The following NCK1 variants were observed in gnomAD, a reference collection of about 807,000 sequenced individuals.
NCK1 encodes SH2/SH3 adapter protein NCK1.
Under a neutral mutation model 36.6 loss-of-function variants are expected in NCK1, and 19 were observed. The ratio of observed to expected loss-of-function variants is 0.52; its 90% CI spans 0.36 to 0.76. NCK1 has a LOEUF of 0.76. Among genes scored for constraint, NCK1 ranks in the 30% least tolerant of loss-of-function variants. The probability of loss-of-function intolerance (pLI) is 0.00; values close to 1 mark genes in which losing one functional copy is unlikely to be tolerated. For synonymous variants in NCK1, 165 were observed against 156.0 expected (o/e 1.06, Z -0.43); for missense variants, 358 against 445.6 (o/e 0.80, Z 1.77).
At chr3:136,927,528 T>C (rs1041567496) in intron 1 of NCK1, among the ~76,000 whole-genome samples, 3 of 152,156 alleles carry the variant, frequency 2.0e-5, no homozygotes, top group Non-Finnish European at 4.4e-5. Flanking sequence ...ATTGATTGGT[T>C]GATTGATTGA....
chr3:136,931,365 T>C (rs915040489), intron 2 of NCK1, among the ~76,000 whole-genome samples: 7 of 152,210 alleles, frequency 4.6e-5, no homozygotes, highest in Admixed American at 6.5e-5. Flanking sequence ...AAGTCTCTTA[T>C]GCACAACAAG....
At position 136,948,457 on chromosome 3, in the gene NCK1, T is replaced by A; in HGVS notation, c.*4T>A. 1.2e-6 allele frequency: 2 copies of A among 1,609,942 alleles called. No homozygotes were observed. The highest frequency in any genetic ancestry group is 1.7e-6 in the Non-Finnish European group (2 of 1,177,264). On this transcript the variant is annotated 3_prime_UTR_variant, in exon 4 of 4. Coordinates refer to ENST00000481752, the MANE Select transcript of NCK1 (RefSeq NM_001291999.2). ...TCTTGTCAAGCATTTATCATGATAC[T>A]GCTGACCAGAAGTGACTGCTGTGTA...
intron 1 of NCK1, among the ~76,000 whole-genome samples, chr3:136,890,194 T>A (rs548762311): frequency 6.6e-6 from 1 of 152,198 alleles, no homozygotes; most frequent in South Asian, 2.1e-4. Context: ...GCTGGTGGGC[T>A]GGCATTGCTG....
Position 136,864,153 on chromosome 3 carries a change from G to C in NCK1, c.-19+1800G>C, listed in dbSNP as rs542124425. 1.9e-4 allele frequency among the ~76,000 whole-genome samples: 29 copies of C among 151,998 alleles called. No homozygotes were observed. In the South Asian group the frequency reaches 5.6e-3, roughly 29 times the overall value. On this transcript the variant is annotated intron_variant, in intron 1 of 3. Transcript: ENST00000481752. ...TTTTCTAGGCATTATCCTTTGTCCA[G>C]GTTTCTGCAGTGCTTTCAGGTCCAT...
At chr3:136,903,546 T>C (rs1939602565) in intron 1 of NCK1, among the ~76,000 whole-genome samples, 1 of 152,132 alleles carries the variant, frequency 6.6e-6, no homozygotes, top group Non-Finnish European at 1.5e-5. Flanking sequence ...TGCCTCAGCT[T>C]CCTGAGTAGC....
intron 1 of NCK1, among the ~76,000 whole-genome samples, chr3:136,880,635 G>A (rs889280219): frequency 6.6e-6 from 1 of 152,112 alleles, no homozygotes; most frequent in Non-Finnish European, 1.5e-5. Flanking sequence ...AACTTTGTTT[G>A]TTTGTTTTTT....
intron 1 of NCK1, among the ~76,000 whole-genome samples, chr3:136,916,749 GT>G (rs764454369): frequency 4.0e-5 from 6 of 150,952 alleles, no homozygotes; most frequent in East Asian, 3.9e-4. Flanking sequence ...AAATAAAACA[GT>G]TTGTTTAGTT....
chr3:136,946,396 A>G, intron 3 of NCK1, 101 bp downstream of exon 3: 1 of 988,968 alleles, frequency 1.0e-6, no homozygotes, highest in Non-Finnish European at 1.5e-6. Flanking sequence ...AAAGTTAACC[A>G]GGTAACAAGC....
intron 1 of NCK1, 124 bp from the exon 2 acceptor site, chr3:136,927,859 AT>A (rs1360124287): frequency 9.7e-6 from 7 of 721,496 alleles, no homozygotes; most frequent in African/African-American, 3.6e-5. Flanking sequence ...TGCCTCATGT[AT>A]TTTTTTCCAT....
intron 1 of NCK1, among the ~76,000 whole-genome samples, chr3:136,915,152 A>T (rs1939925955): frequency 6.6e-6 from 1 of 152,196 alleles, no homozygotes; most frequent in East Asian, 1.9e-4. Context: ...TTGTAGCAAC[A>T]CAGACAGACT....
intron 1 of NCK1, among the ~76,000 whole-genome samples, chr3:136,862,752 G>A (rs1938272576): frequency 6.6e-6 from 1 of 152,260 alleles, no homozygotes; most frequent in Non-Finnish European, 1.5e-5. Context: ...GGCCGGGAAG[G>A]TAGGGACGTG....
chr3:136,909,427 G>A (rs565036451), intron 1 of NCK1, among the ~76,000 whole-genome samples: 2 of 152,310 alleles, frequency 1.3e-5, no homozygotes, highest in South Asian at 4.1e-4. Flanking sequence ...ATTCTGTTGA[G>A]GTGCCAGGGA....
chr3:136,907,690 C>T (rs1939721810), intron 1 of NCK1, among the ~76,000 whole-genome samples: 1 of 152,194 alleles, frequency 6.6e-6, no homozygotes, highest in Non-Finnish European at 1.5e-5. Context: ...ATTATCTCCT[C>T]ACTATTTTGT....
chr3:136,888,528 C>T (rs1269695654), intron 1 of NCK1, among the ~76,000 whole-genome samples: 1 of 151,578 alleles, frequency 6.6e-6, no homozygotes, highest in East Asian at 2.0e-4. Context: ...TCAGCCTCCG[C>T]AGTAGCTGGG....
rs138538279 is a variant in NCK1 at position 136,866,861 on chromosome 3, C to T, written c.-19+4508C>T. Among the ~76,000 whole-genome samples, 258 of 150,986 alleles carry T rather than the reference C, an allele frequency of 1.7e-3. 7 individuals carry two copies. In the East Asian group the frequency reaches 0.047, roughly 28 times the overall value. ...CTCCCGACCTCAGGTGATCCACATG[C>T]GTCGGCTTCCCAAAGTGTTGGGATT... On this transcript the variant is annotated intron_variant, in intron 1 of 3. Transcript: ENST00000481752.
chr3:136,885,439 G>A (rs1240883616), intron 1 of NCK1, among the ~76,000 whole-genome samples: 1 of 152,108 alleles, frequency 6.6e-6, no homozygotes, highest in Non-Finnish European at 1.5e-5. Context: ...TACGTAGCTG[G>A]AACTATAGGT....
intron 1 of NCK1, chr3:136,867,437 G>C (rs1938484403): frequency 8.6e-6 from 1 of 116,914 alleles, no homozygotes; most frequent in Non-Finnish European, 1.7e-5. Context: ...GTAGAGATAG[G>C]GTCTCACTGT....
At chr3:136,939,944 T>C (rs1940628512) in intron 2 of NCK1, among the ~76,000 whole-genome samples, 3 of 150,490 alleles carry the variant, frequency 2.0e-5, no homozygotes, top group Non-Finnish European at 3.0e-5. Context: ...TTTGAACTCC[T>C]GGGTTCAAGC....
At chr3:136,883,455 T>A (rs925508368) in intron 1 of NCK1, among the ~76,000 whole-genome samples, 1 of 151,892 alleles carries the variant, frequency 6.6e-6, no homozygotes, top group Admixed American at 6.6e-5. Flanking sequence ...CCCACTTAAA[T>A]TTTTTTTTCT....
Sources: gnomAD v4.1 joint callset for allele counts (sites outside exome capture counted in the v4.1 genomes callset) on GRCh38, gnomAD v4.1.1 for gene constraint, MANE v1.5 for transcripts, NCBI Gene and HGNC (gene_info 2026-07-23, HGNC 2026-07-21) for gene names.